Variants in PRMT8 observed in about 807,000 individuals in gnomAD.
PRMT8 encodes protein arginine methyltransferase 8, also known as protein arginine N-methyltransferase 8.
A neutral mutation model predicts 47.1 loss-of-function variants in PRMT8; 7 were observed. That is an observed-to-expected ratio of 0.15 (90% CI 0.08 to 0.28). PRMT8 has a LOEUF of 0.28. PRMT8 is among the 10% of genes least tolerant of loss of function. The probability of loss-of-function intolerance (pLI) is 1.00; values close to 1 mark genes in which losing one functional copy is unlikely to be tolerated. For synonymous variants in PRMT8, 188 were observed against 186.5 expected (o/e 1.01, Z -0.07); for missense variants, 237 against 505.4 (o/e 0.47, Z 5.09).
chr12:3,400,998 T>A (rs2137050852), intron 1 of PRMT8, among the ~76,000 whole-genome samples: 1 of 151,770 alleles, frequency 6.6e-6, no homozygotes, highest in South Asian at 2.1e-4. Flanking sequence ...ACAAAAAAAA[T>A]TAGCTGGGCA....
At chr12:3,446,036 C>G (rs371674089) in intron 1 of PRMT8, among the ~76,000 whole-genome samples, 242 of 152,198 alleles carry the variant, frequency 1.6e-3, no homozygotes, top group African/African-American at 5.6e-3. Flanking sequence ...TGGAGAGGGA[C>G]AGCCAAGGCC....
At chr12:3,381,710 A>G (rs1021176440) in intron 1 of PRMT8, among the ~76,000 whole-genome samples, 2 of 152,206 alleles carry the variant, frequency 1.3e-5, no homozygotes, top group East Asian at 3.9e-4. Flanking sequence ...GAAATAATTC[A>G]GAGAGATTCT....
chr12:3,495,137 C>T (rs2137115845), intron 1 of PRMT8, among the ~76,000 whole-genome samples: 2 of 152,334 alleles, frequency 1.3e-5, no homozygotes, highest in South Asian at 4.1e-4. Context: ...GTGCCCAAGA[C>T]ACATCATCTC....
intron 1 of PRMT8, among the ~76,000 whole-genome samples, chr12:3,449,274 A>G (rs1251133225): frequency 6.6e-6 from 1 of 152,196 alleles, no homozygotes; most frequent in Non-Finnish European, 1.5e-5. Context: ...TGCTGGTCAA[A>G]TGGTATTTCT....
At chr12:3,407,721 C>T (rs1864387300) in intron 1 of PRMT8, among the ~76,000 whole-genome samples, 2 of 152,136 alleles carry the variant, frequency 1.3e-5, no homozygotes, top group African/African-American at 4.8e-5. Context: ...GTGCCTTTCT[C>T]TGTATCTTCT....
intron 7 of PRMT8, 54 bp downstream of exon 7, chr12:3,577,040 A>G: frequency 6.8e-7 from 1 of 1,473,884 alleles, no homozygotes; most frequent in Non-Finnish European, 9.5e-7. Context: ...CCGCTGTGCC[A>G]CCCTGGAGTC....
chr12:3,562,296 C>T (rs547750026), intron 4 of PRMT8, among the ~76,000 whole-genome samples: 8 of 152,280 alleles, frequency 5.3e-5, no homozygotes, highest in African/African-American at 1.2e-4. Context: ...CGAGAAACAA[C>T]CCATTAATAA....
Position 3,456,567 on chromosome 12 carries a change from TCTC to T in PRMT8, c.48+75129_48+75131del, listed in dbSNP as rs1864975364. ...TCATCCCCCAATTCACCAACAGCCT[TCTC>T]CTCGCGAAACGCCCGGGACCATCCG... On this transcript the variant is annotated intron_variant, in intron 1 of 9. Coordinates refer to the PRMT8 transcript ENST00000452611. The surrounding 1 kb of genome is among the most constrained non-coding windows in gnomAD (Gnocchi z 4.2). Among the ~76,000 whole-genome samples the T allele has an allele frequency of 6.6e-6, 1 of 151,914 alleles. No homozygotes were observed.
At chr12:3,479,853 AT>A (rs34560629) in intron 1 of PRMT8, among the ~76,000 whole-genome samples, 105,704 of 151,012 alleles carry the variant, frequency 0.7, 37,163 homozygotes, top group Middle Eastern at 0.8. Context: ...CTACTCTCAG[AT>A]TTTTTTTTTT....
At chr12:3,391,972 T>C (rs558185360) in intron 1 of PRMT8, among the ~76,000 whole-genome samples, 2 of 151,948 alleles carry the variant, frequency 1.3e-5, no homozygotes, top group East Asian at 3.9e-4. Context: ...TATCCACAAA[T>C]AGAGAGAGGA....
At chr12:3,391,004 G>A (rs1013711376) in intron 1 of PRMT8, among the ~76,000 whole-genome samples, 1 of 152,326 alleles carries the variant, frequency 6.6e-6, no homozygotes, top group African/African-American at 2.4e-5. Context: ...CATTCCCTGG[G>A]TCTGAATTGT....
Position 3,535,439 on chromosome 12 carries a change from G to A in PRMT8, c.76-5167G>A, listed in dbSNP as rs1410565809. ...CGAAGGCAAATCACAAGTATTGACA[G>A]TGGAGGGTGATTCTCACCATATCAG... is the stretch of plus-strand genomic sequence containing the variant. On this transcript the variant is annotated intron_variant, in intron 1 of 9. Coordinates refer to ENST00000382622, the MANE Select transcript of PRMT8 (RefSeq NM_019854.5). This position sits in a 1 kb window ranked among gnomAD's most constrained non-coding sequence, Gnocchi z 4.7. Among the ~76,000 whole-genome samples the A allele has an allele frequency of 6.6e-6, 1 of 152,220 alleles. No homozygotes were observed. Among genetic ancestry groups the A allele is most frequent in the East Asian group, 1.9e-4 (1 of 5,186 alleles).
intron 1 of PRMT8, among the ~76,000 whole-genome samples, chr12:3,394,709 G>A (rs1369114389): frequency 6.6e-6 from 1 of 152,022 alleles, no homozygotes; most frequent in South Asian, 2.1e-4. Flanking sequence ...TTGGTATCAG[G>A]ATGATGCTGG....
intron 1 of PRMT8, among the ~76,000 whole-genome samples, chr12:3,467,109 G>A (rs557938631): frequency 2.0e-5 from 3 of 151,756 alleles, no homozygotes; most frequent in Non-Finnish European, 2.9e-5. Flanking sequence ...GCGTGGTGGC[G>A]GGTGCCTGTA....
At chr12:3,540,834 C>T in intron 2 of PRMT8, 43 bp downstream of exon 2, 3 of 1,574,838 alleles carry the variant, frequency 1.9e-6, no homozygotes, top group Non-Finnish European at 2.6e-6. Flanking sequence ...GAGGCTGACT[C>T]TGCTGTTCTG....
At chr12:3,543,234 C>G (rs757398960) in intron 2 of PRMT8, among the ~76,000 whole-genome samples, 2 of 152,184 alleles carry the variant, frequency 1.3e-5, no homozygotes, top group Non-Finnish European at 2.9e-5. Context: ...AGCTAGGTAA[C>G]CTTCCTTCCC....
chr12:3,560,840 A>G (rs892013253), intron 4 of PRMT8, among the ~76,000 whole-genome samples: 15 of 152,112 alleles, frequency 9.9e-5, no homozygotes, highest in Non-Finnish European at 2.2e-4. Context: ...CTGAGCCTCT[A>G]TTTGCCCCCT....
intron 1 of PRMT8, among the ~76,000 whole-genome samples, chr12:3,429,389 A>T (rs1864648284): frequency 6.6e-6 from 1 of 152,228 alleles, no homozygotes; most frequent in East Asian, 1.9e-4. Context: ...TTTTCAACAT[A>T]GTTTCTAGTG....
At chr12:3,487,633 C>A (rs1207456473), upstream of PRMT8, among the ~76,000 whole-genome samples, 1 of 152,204 alleles carries the variant, frequency 6.6e-6, no homozygotes, top group African/African-American at 2.4e-5. Context: ...AAACTCACTT[C>A]TTCTGCAGCA....
Sources: allele counts gnomAD v4.1 joint callset (sites outside exome capture counted in the v4.1 genomes callset), GRCh38; gene constraint gnomAD v4.1.1; non-coding constraint Gnocchi (gnomAD v3.1); transcripts MANE v1.5; gene names NCBI Gene and HGNC (gene_info 2026-07-23, HGNC 2026-07-21).